FHIT: variants seen among roughly 807,000 people sequenced by gnomAD.
FHIT encodes fragile histidine triad diadenosine triphosphatase.
In FHIT, 19 loss-of-function variants were observed where a neutral mutation model predicts 17.9. The ratio of observed to expected loss-of-function variants is 1.06; its 90% CI spans 0.74 to 1.56. The LOEUF is 1.56. Among genes scored for constraint, FHIT ranks in the 40% most tolerant of loss-of-function variants. The pLI, the probability that FHIT is intolerant of heterozygous loss-of-function variation, is 0.00. For missense variants in FHIT, 248 were observed against 189.2 expected (o/e 1.31, Z -1.82); for synonymous variants, 81 against 69.7 (o/e 1.16, Z -0.81).
At chr3:60,096,602 G>A (rs1231909702) in intron 5 of FHIT, among the ~76,000 whole-genome samples, 1 of 152,122 alleles carries the variant, frequency 6.6e-6, no homozygotes, top group Non-Finnish European at 1.5e-5. Flanking sequence ...GCCTCCTACT[G>A]TCCTCAGAGT....
chr3:61,188,550 G>C (rs1213738364), intron 2 of FHIT, among the ~76,000 whole-genome samples: 1 of 152,134 alleles, frequency 6.6e-6, no homozygotes, highest in Non-Finnish European at 1.5e-5. Context: ...CCAATCAATA[G>C]AAAAAGAGGG....
chr3:61,217,963 G>A (rs571331873), intron 1 of FHIT, among the ~76,000 whole-genome samples: 1 of 152,294 alleles, frequency 6.6e-6, no homozygotes, highest in South Asian at 2.1e-4. Context: ...ACTGGATGAA[G>A]GTCCACATCT....
At chr3:60,205,557 A>C (rs886849174) in intron 5 of FHIT, among the ~76,000 whole-genome samples, 9 of 152,166 alleles carry the variant, frequency 5.9e-5, no homozygotes, top group Admixed American at 2.6e-4. Flanking sequence ...TGGGGAGTTC[A>C]AAAGGAAGTT....
chr3:60,805,535 C>CTTTATT (rs1701352465), intron 4 of FHIT, among the ~76,000 whole-genome samples: 1 of 151,814 alleles, frequency 6.6e-6, no homozygotes, highest in Admixed American at 6.6e-5. Context: ...CATTAATTAC[C>CTTTATT]TTTATTTTTA....
chr3:60,176,655 C>A (rs1176175483), intron 5 of FHIT, among the ~76,000 whole-genome samples: 2 of 152,102 alleles, frequency 1.3e-5, no homozygotes, highest in African/African-American at 2.4e-5. Flanking sequence ...AAAAGCTCAT[C>A]GAGGGCTGAA....
At chr3:61,059,493 A>G (rs1334829932) in intron 2 of FHIT, among the ~76,000 whole-genome samples, 3 of 151,344 alleles carry the variant, frequency 2.0e-5, no homozygotes, top group African/African-American at 7.3e-5. Flanking sequence ...TTTTTAAAAG[A>G]GAGTCTGCCA....
rs1377725371 is a variant in FHIT, at chr3:60,872,796, G to A, written c.-110-50785C>T. Among the ~76,000 whole-genome samples the A allele has an allele frequency of 3.4e-4, 52 of 151,932 alleles. 2 individuals are homozygous for A. Among genetic ancestry groups the A allele is most frequent in the Admixed American group, 3.4e-3 (52 of 15,202 alleles). ...GGAAATAATAATAAAATTTATGATGGCCTTAAAATTGCTTAACTCCTTTCA... is the reference window on the plus strand; with the variant it reads ...GGAAATAATAATAAAATTTATGATGACCTTAAAATTGCTTAACTCCTTTCA... On this transcript the variant is annotated intron_variant, in intron 3 of 9. Coordinates refer to ENST00000492590, the MANE Select transcript of FHIT (RefSeq NM_002012.4).
intron 5 of FHIT, among the ~76,000 whole-genome samples, chr3:60,534,570 C>T (rs1444663841): frequency 1.3e-5 from 2 of 151,902 alleles, no homozygotes; most frequent in Non-Finnish European, 2.9e-5. Context: ...TGTCTACTGG[C>T]CCTGAGACTG....
chr3:60,434,695 C>G (rs2030053515), intron 5 of FHIT, among the ~76,000 whole-genome samples: 1 of 152,104 alleles, frequency 6.6e-6, no homozygotes, highest in Non-Finnish European at 1.5e-5. Context: ...TAGATAAATG[C>G]CTGCTTTATA....
At chr3:61,113,248 G>A (rs964793766) in intron 2 of FHIT, among the ~76,000 whole-genome samples, 1 of 152,038 alleles carries the variant, frequency 6.6e-6, no homozygotes, top group Non-Finnish European at 1.5e-5. Context: ...GGGCTCAAGT[G>A]ATCTTGCCAC....
At chr3:60,962,483 G>A (rs1194594295) in intron 3 of FHIT, among the ~76,000 whole-genome samples, 2 of 152,228 alleles carry the variant, frequency 1.3e-5, no homozygotes, top group Non-Finnish European at 2.9e-5. Flanking sequence ...TAGGAGTGGT[G>A]AAAGAGGGCA....
intron 4 of FHIT, among the ~76,000 whole-genome samples, chr3:60,754,393 A>G (rs1452334715): frequency 5.3e-5 from 8 of 152,154 alleles, no homozygotes; most frequent in Non-Finnish European, 1.0e-4. Context: ...GTTTAGAAAA[A>G]TCCTGCAGGA....
At chr3:59,963,071 C>T (rs370648571) in intron 7 of FHIT, among the ~76,000 whole-genome samples, 8 of 152,042 alleles carry the variant, frequency 5.3e-5, no homozygotes, top group African/African-American at 1.4e-4. Context: ...CTGGCTAACA[C>T]GGTGAAACCC....
chr3:61,111,210 TG>T (rs1379611478), intron 2 of FHIT, among the ~76,000 whole-genome samples: 6 of 152,306 alleles, frequency 3.9e-5, no homozygotes, highest in East Asian at 1.9e-4. Context: ...GCCTTTAATC[TG>T]TAAAATGAAT....
chr3:60,500,557 G>C (rs970724224), intron 5 of FHIT, among the ~76,000 whole-genome samples: 77 of 151,964 alleles, frequency 5.1e-4, no homozygotes, highest in African/African-American at 1.8e-3. Context: ...ATCATTTGAG[G>C]TCAGGAGTTT....
chr3:60,075,823 T>A (rs1400598881), intron 5 of FHIT, among the ~76,000 whole-genome samples: 1 of 152,130 alleles, frequency 6.6e-6, no homozygotes, highest in Non-Finnish European at 1.5e-5. Flanking sequence ...CTCATGAAGC[T>A]GAGTTTATGC....
intron 2 of FHIT, among the ~76,000 whole-genome samples, chr3:61,043,889 A>C (rs1033732255): frequency 2.0e-5 from 3 of 152,182 alleles, no homozygotes; most frequent in African/African-American, 7.2e-5. Flanking sequence ...ACCTCCAGCA[A>C]ACTCCAAAAG....
At chr3:59,798,571 T>A (rs1389164412) in intron 8 of FHIT, among the ~76,000 whole-genome samples, 1 of 152,204 alleles carries the variant, frequency 6.6e-6, no homozygotes, top group African/African-American at 2.4e-5. Flanking sequence ...AGGCCACAGA[T>A]GTAGCTAGCA....
intron 2 of FHIT, among the ~76,000 whole-genome samples, chr3:61,078,389 G>A (rs1002104493): frequency 7.9e-5 from 12 of 152,204 alleles, no homozygotes; most frequent in African/African-American, 2.9e-4. Flanking sequence ...ATTTTCCACT[G>A]AGTCTCTGGA....
Sources: gnomAD v4.1 joint callset for allele counts (sites outside exome capture counted in the v4.1 genomes callset) on GRCh38, gnomAD v4.1.1 for gene constraint, MANE v1.5 for transcripts, NCBI Gene and HGNC (gene_info 2026-07-23, HGNC 2026-07-21) for gene names.